LIX1: variants seen among roughly 807,000 people sequenced by gnomAD.
The protein encoded by LIX1 is limb and CNS expressed 1, also known as protein limb expression 1 homolog.
Under a neutral mutation model 33.4 loss-of-function variants are expected in LIX1, and 24 were observed. That is an observed-to-expected ratio of 0.72 (90% CI 0.52 to 1.01). The LOEUF (loss-of-function observed/expected upper bound fraction) is 1.01, where lower values mean the gene tolerates loss of function less well. LIX1 is among the 50% of genes least tolerant of loss of function. The pLI, the probability that LIX1 is intolerant of heterozygous loss-of-function variation, is 0.00. For missense variants in LIX1, 311 were observed against 339.2 expected, an observed-to-expected ratio of 0.92 and a Z score of 0.65; for synonymous variants, 124 against 124.0, an observed-to-expected ratio of 1.00 and a Z score of 0.00.
chr5:97,135,284 G>A (rs1748147926), intron 1 of LIX1, among the ~76,000 whole-genome samples: 1 of 152,180 alleles, frequency 6.6e-6, no homozygotes, highest in Non-Finnish European at 1.5e-5. Flanking sequence ...AGGAAGAAGG[G>A]GAAAAATTAA....
chr5:97,112,900 G>A (rs1047617578), intron 2 of LIX1, among the ~76,000 whole-genome samples: 38 of 151,870 alleles, frequency 2.5e-4, no homozygotes, highest in Non-Finnish European at 3.4e-4. Context: ...CCCCTGCCCC[G>A]TGGCATTCAC....
At position 97,107,467 on chromosome 5, in the gene LIX1, C is replaced by T; in HGVS notation, c.280G>A (p.Ala94Thr). The change falls in exon 3 of 6, where the codon GCA (alanine) becomes ACA (threonine). Residue 94 changes from alanine (A) to threonine (T), a missense_variant. Ala to Thr is a moderately conservative substitution (Grantham distance 58). Coordinates refer to ENST00000274382, the MANE Select transcript of LIX1 (RefSeq NM_153234.5). Reference sequence around the variant, plus strand: ...GAGTTGATCAGGGCCACTTTAGCTGCATCCCGCCTGGCCTCGGCTCTACTT... The same window carrying T: ...GAGTTGATCAGGGCCACTTTAGCTGTATCCCGCCTGGCCTCGGCTCTACTT... ...CLSRAEARRD[A>T]AKVALINSLF... 6.2e-7 allele frequency: 1 copy of T among 1,613,860 alleles called. No homozygotes were observed. Among genetic ancestry groups the T allele is most frequent in the Non-Finnish European group, 8.5e-7 (1 of 1,180,020 alleles).
intron 1 of LIX1, among the ~76,000 whole-genome samples, chr5:97,132,534 TA>T (rs1748078835): frequency 6.6e-6 from 1 of 151,570 alleles, no homozygotes; most frequent in South Asian, 2.1e-4. Context: ...TAGGGAGCAA[TA>T]GGAAAGAGTG....
At chr5:97,109,244 T>C (rs1747235121) in intron 2 of LIX1, among the ~76,000 whole-genome samples, 1 of 152,134 alleles carries the variant, frequency 6.6e-6, no homozygotes, top group South Asian at 2.1e-4. Context: ...CCTCCGGGCC[T>C]GGGAGGAGCC....
intron 2 of LIX1, among the ~76,000 whole-genome samples, chr5:97,124,227 G>A (rs910818606): frequency 6.6e-6 from 1 of 152,050 alleles, no homozygotes. Context: ...GTATCCATAA[G>A]CAAGAAATAA....
At chr5:97,109,670 G>A (rs1459168475) in intron 2 of LIX1, among the ~76,000 whole-genome samples, 2 of 152,050 alleles carry the variant, frequency 1.3e-5, no homozygotes, top group African/African-American at 4.8e-5. Flanking sequence ...GGTGATTTCT[G>A]GGAATTTGGT....
chr5:97,139,364 A>G (rs981703113), intron 1 of LIX1, among the ~76,000 whole-genome samples: 3 of 152,274 alleles, frequency 2.0e-5, no homozygotes, highest in Non-Finnish European at 4.4e-5. Flanking sequence ...TGTAATATGA[A>G]GAGTTAACAC....
At chr5:97,133,666 A>G (rs1339232617) in intron 1 of LIX1, among the ~76,000 whole-genome samples, 1 of 152,230 alleles carries the variant, frequency 6.6e-6, no homozygotes, top group Non-Finnish European at 1.5e-5. Context: ...TCACTGGTAA[A>G]GTGAGAACTC....
intron 1 of LIX1, among the ~76,000 whole-genome samples, chr5:97,139,507 G>A (rs760997174): frequency 6.6e-6 from 1 of 152,214 alleles, no homozygotes; most frequent in Non-Finnish European, 1.5e-5. Flanking sequence ...GTGGACAGGG[G>A]CTGCTTTTAG....
chr5:97,102,417 T>A (rs1389994738), intron 4 of LIX1, among the ~76,000 whole-genome samples: 1 of 152,060 alleles, frequency 6.6e-6, no homozygotes, highest in Non-Finnish European at 1.5e-5. Context: ...GCAGGCAAGC[T>A]AGGGCTGGTG....
chr5:97,104,432 A>G (rs1162592555), intron 4 of LIX1, among the ~76,000 whole-genome samples: 1 of 152,232 alleles, frequency 6.6e-6, no homozygotes, highest in Non-Finnish European at 1.5e-5. Context: ...AGCCTGATAT[A>G]GGATAATAGA....
At chr5:97,109,227 C>A (rs976725756) in intron 2 of LIX1, among the ~76,000 whole-genome samples, 4 of 152,190 alleles carry the variant, frequency 2.6e-5, no homozygotes, top group African/African-American at 9.7e-5. Flanking sequence ...CCCACCCCTT[C>A]TCCCAGCCTC....
intron 5 of LIX1, 27 bp from the exon 6 acceptor site, chr5:97,095,062 G>T (rs1269145244): frequency 1.2e-6 from 2 of 1,603,660 alleles, no homozygotes; most frequent in African/African-American, 2.7e-5. Context: ...AAAGTCCAGG[G>T]TGTCAATAAA....
At chr5:97,130,686 G>T (rs1748034975) in intron 1 of LIX1, among the ~76,000 whole-genome samples, 1 of 152,174 alleles carries the variant, frequency 6.6e-6, no homozygotes, top group African/African-American at 2.4e-5. Flanking sequence ...CTGAGGCAAG[G>T]GACGTAAGAA....
At chr5:97,113,284 A>G (rs925253718) in intron 2 of LIX1, among the ~76,000 whole-genome samples, 1 of 152,214 alleles carries the variant, frequency 6.6e-6, no homozygotes, top group East Asian at 1.9e-4. Context: ...GAAGACCTTG[A>G]GCCAAAACCA....
chr5:97,137,255 A>G (rs1030140400), intron 1 of LIX1: 10 of 304,574 alleles, frequency 3.3e-5, no homozygotes, highest in Non-Finnish European at 6.5e-5. Context: ...CAGTCAATGA[A>G]GAGGTCCCAG....
In LIX1 at chr5:97,142,607, A is replaced by T. The variant is rs753505640; in HGVS notation, c.-31T>A. On this transcript the variant is annotated 5_prime_UTR_variant, in exon 1 of 6. Transcript: ENST00000274382. The stretch of plus-strand genomic sequence containing the variant: ...GTCTGCCTGTGTGAGCCTCCTGTAC[A>T]GAGTGTCCTCATGCCTGAATTCTTG... 3.2e-6 allele frequency: 5 copies of T among 1,558,362 alleles called. No homozygotes were observed. In the Admixed American group the frequency reaches 8.3e-5, roughly 26 times the overall value.
chr5:97,118,113 A>AGT (rs1342569289), intron 2 of LIX1, among the ~76,000 whole-genome samples: 4 of 152,216 alleles, frequency 2.6e-5, no homozygotes, highest in Non-Finnish European at 4.4e-5. Context: ...CCGATGAGTG[A>AGT]GTGTCTCACA....
intron 5 of LIX1, 23 bp downstream of exon 5, chr5:97,096,787 T>C (rs866820698): frequency 6.4e-7 from 1 of 1,569,882 alleles, no homozygotes. Context: ...AACACAGACT[T>C]AGACTTGATT....
Sources: gnomAD v4.1 joint callset for allele counts (sites outside exome capture counted in the v4.1 genomes callset) on GRCh38, gnomAD v4.1.1 for gene constraint, MANE v1.5 for transcripts, NCBI Gene and HGNC (gene_info 2026-07-23, HGNC 2026-07-21) for gene names.